GTF3C3: variants seen among roughly 807,000 people sequenced by gnomAD.
GTF3C3 encodes general transcription factor 3C polypeptide 3.
In GTF3C3, 75 loss-of-function variants were observed where a neutral mutation model predicts 105.2. The observed-to-expected ratio is 0.71, with a 90% CI of 0.59 to 0.86. The LOEUF (loss-of-function observed/expected upper bound fraction) is 0.86, where lower values mean the gene tolerates loss of function less well. Ranked by LOEUF, GTF3C3 falls within the 40% of genes least tolerant of loss-of-function variation. GTF3C3 has a pLI of 0.00. For synonymous variants in GTF3C3, 335 were observed against 370.4 expected, an observed-to-expected ratio of 0.90 and a Z score of 1.10; for missense variants, 856 against 1,076.5, an observed-to-expected ratio of 0.80 and a Z score of 2.87.
chr2:196,780,400 T>C (rs1699327034), intron 9 of GTF3C3, 159 bp downstream of exon 9: 7 of 1,282,632 alleles, frequency 5.5e-6, no homozygotes, highest in Non-Finnish European at 7.0e-6. Context: ...ATTTTAGTTT[T>C]TATAAGATAT....
rs1461969031 is a variant in GTF3C3, at chr2:196,786,873, C to T, written c.894-1285G>A. ...CTCCTTGTTACTAAATCTGTCAATTCTCAGTGCTCATTTTACGTGATCTAT... is the reference window on the plus strand; with the variant it reads ...CTCCTTGTTACTAAATCTGTCAATTTTCAGTGCTCATTTTACGTGATCTAT... On this transcript the variant is annotated intron_variant, in intron 6 of 17. Transcript: ENST00000263956. The surrounding 1 kb of genome is among the most constrained non-coding windows in gnomAD (Gnocchi z 4.2). Among the ~76,000 whole-genome samples the T allele has an allele frequency of 6.6e-6, 1 of 152,116 alleles. No homozygotes were observed. Among genetic ancestry groups the T allele is most frequent in the Non-Finnish European group, 1.5e-5 (1 of 68,014 alleles).
chr2:196,790,896 TCA>T (rs1350404764), intron 4 of GTF3C3, among the ~76,000 whole-genome samples: 1 of 151,828 alleles, frequency 6.6e-6, no homozygotes, highest in African/African-American at 2.4e-5. Flanking sequence ...TAAAAAAAAA[TCA>T]CACTGAAGAT....
chr2:196,766,003 C>CT (rs1279876729), intron 17 of GTF3C3, among the ~76,000 whole-genome samples: 1 of 94,088 alleles, frequency 1.1e-5, no homozygotes, highest in African/African-American at 3.7e-5. Context: ...GAGCAAGACT[C>CT]TGTCTCCAAA....
At chr2:196,784,604 A>C (rs922617850) in intron 8 of GTF3C3, among the ~76,000 whole-genome samples, 9 of 152,200 alleles carry the variant, frequency 5.9e-5, no homozygotes, top group Non-Finnish European at 1.3e-4. Context: ...AAAGGAATGA[A>C]AAAGACTGTC....
intron 8 of GTF3C3, among the ~76,000 whole-genome samples, chr2:196,781,357 AATAT>A (rs1553578901): frequency 1.4e-3 from 27 of 18,812 alleles, no homozygotes; most frequent in South Asian, 6.6e-3. Context: ...AAAAAAAAAA[AATAT>A]ATATATATAT....
intron 17 of GTF3C3, among the ~76,000 whole-genome samples, chr2:196,764,954 A>AAAAG (rs2125736355): frequency 6.6e-6 from 1 of 152,338 alleles, no homozygotes; most frequent in African/African-American, 2.4e-5. Flanking sequence ...TTAGAGTTAA[A>AAAAG]AAAGAAACCA....
Position 196,789,275 on chromosome 2 carries a change from A to G in GTF3C3, c.822T>C (p.Tyr274=), listed in dbSNP as rs1699506370. 1 of 1,613,618 alleles carries G rather than the reference A, an allele frequency of 6.2e-7. No homozygotes were observed. Among genetic ancestry groups the G allele is most frequent in the Non-Finnish European group, 8.5e-7 (1 of 1,179,634 alleles). ...GAGACAAAAGGTTTAAAATACGCCT[A>G]TAACCATCCATGGCCATTTTATGAT... The part of the protein sequence containing the change: ...MGDHKMAMDG[Y]RRILNLLSPS... Residue 274 remains tyrosine, a synonymous_variant, in exon 6 of 18, where the codon TAT becomes TAC. Coordinates refer to ENST00000263956, the MANE Select transcript of GTF3C3 (RefSeq NM_012086.5).
In GTF3C3 at chr2:196,784,898, T is replaced by C. The variant is rs1699426970; in HGVS notation, c.1073A>G (p.Glu358Gly). The C allele has an allele frequency of 1.2e-6, 2 of 1,610,036 alleles. No individual in the cohort carries two copies. Among genetic ancestry groups the C allele is most frequent in the Non-Finnish European group, 1.7e-6 (2 of 1,177,314 alleles). The change falls in exon 8 of 18, where the codon GAA becomes GGA. Residue 358 changes from glutamate (E) to glycine (G), a missense_variant. Physicochemically the swap from Glu to Gly is moderately conservative, Grantham distance 98 (BLOSUM62 -2). Around this residue, in one of 3 missense-constraint regions of GTF3C3, gnomAD observed 605 missense variants for 833.6 expected, o/e 0.73. Transcript: ENST00000263956. ...GGTGCCTTCTTCTGAAGTTTTTTTT[T>C]CCAGCACAATTCCAGAAAAATCTGT... ...IITDFSGIVL[E>G]KKTSEEGTSE... is the part of the protein sequence containing the mutation.
rs547998973 is a variant in GTF3C3, at chr2:196,795,375, A to C, written c.215-2223T>G. ...CTCTTACGCATACTCACTTATGTGA[A>C]ATACTTCAAATGAGATAATCAGTGT... On this transcript the variant is annotated intron_variant, in intron 2 of 17. Coordinates refer to ENST00000263956, the MANE Select transcript of GTF3C3 (RefSeq NM_012086.5). Among the ~76,000 whole-genome samples the C allele has an allele frequency of 2.0e-5, 3 of 152,350 alleles. No individual in the cohort carries two copies. In the South Asian group the frequency reaches 6.2e-4, roughly 32 times the overall value.
chr2:196,773,481 CTG>C (rs1699211856), intron 13 of GTF3C3, among the ~76,000 whole-genome samples: 1 of 152,166 alleles, frequency 6.6e-6, no homozygotes, highest in Non-Finnish European at 1.5e-5. Context: ...CTTTCTATGA[CTG>C]TAATCCCATA....
At chr2:196,771,007 A>G (rs188208090) in intron 15 of GTF3C3, among the ~76,000 whole-genome samples, 1 of 152,354 alleles carries the variant, frequency 6.6e-6, no homozygotes, top group Admixed American at 6.5e-5. Flanking sequence ...TTTACTCATA[A>G]GAAGTAAATC....
chr2:196,764,339 T>C lies in GTF3C3; in HGVS notation c.*224A>G, dbSNP rs1699021485. ...TTTCAACATTGGGAACAATTCACTA[T>C]AGAATGTGAAAGGAAAATGACAGAC... is the stretch of plus-strand genomic sequence containing the variant. On this transcript the variant is annotated 3_prime_UTR_variant, in exon 18 of 18. Coordinates refer to ENST00000263956, the MANE Select transcript of GTF3C3 (RefSeq NM_012086.5). 4 of 393,184 alleles carry C rather than the reference T, an allele frequency of 1.0e-5. No homozygotes were observed. Among genetic ancestry groups the C allele is most frequent in the South Asian group, 5.4e-5 (1 of 18,498 alleles). 24.4% of individuals were successfully genotyped at this position (393,184 alleles called of 1,614,324 possible). A position where few individuals can be genotyped will look rare whatever the true frequency, so the allele number is the denominator to read the frequency against.
At chr2:196,791,746 G>A in intron 3 of GTF3C3, 2 of 267,546 alleles carry the variant, frequency 7.5e-6, no homozygotes, top group Non-Finnish European at 1.5e-5. Context: ...GACCAGCCTG[G>A]CCAACAGAGT....
intron 13 of GTF3C3, among the ~76,000 whole-genome samples, chr2:196,774,712 C>T (rs1699231683): frequency 6.6e-6 from 1 of 152,140 alleles, no homozygotes; most frequent in Admixed American, 6.5e-5. Flanking sequence ...GTCACAGCAA[C>T]TTATTTTCAA....
intron 8 of GTF3C3, among the ~76,000 whole-genome samples, chr2:196,781,357 A>ATATATATATATATACAT (rs1553578902): frequency 1.1e-4 from 2 of 18,812 alleles, no homozygotes; most frequent in Non-Finnish European, 3.0e-4. Context: ...AAAAAAAAAA[A>ATATATATATATATACAT]ATATATATAT....
chr2:196,799,346 C>A (rs1699705981), intron 1 of GTF3C3, 164 bp downstream of exon 1: 1 of 607,494 alleles, frequency 1.6e-6, no homozygotes, highest in Non-Finnish European at 2.9e-6. Flanking sequence ...AGGAGCTTAG[C>A]ACAGGGATGA....
chr2:196,780,642 T>G lies in GTF3C3; in HGVS notation c.1135A>C (p.Thr379Pro). ...ENKAPENVTCTIPDGVPIDIT... is the reference protein window; with the variant it reads ...ENKAPENVTCPIPDGVPIDIT... Reference sequence around the variant, plus strand: ...TCTATTGGCACGCCATCAGGTATAGTGCAGGTAACATTCTCAGGAGCTGGA... The same window carrying G: ...TCTATTGGCACGCCATCAGGTATAGGGCAGGTAACATTCTCAGGAGCTGGA... The change falls in exon 9 of 18, where the codon ACT (threonine) becomes CCT (proline). Residue 379 changes from threonine to proline, a missense_variant. Physicochemically the swap from Thr to Pro is conservative, Grantham distance 38. Transcript: ENST00000263956. 6.2e-7 allele frequency: 1 copy of G among 1,612,572 alleles called. No homozygotes were observed.
At chr2:196,793,241 C>A in intron 2 of GTF3C3, 89 bp from the exon 3 acceptor site, 1 of 868,618 alleles carries the variant, frequency 1.2e-6, no homozygotes, top group East Asian at 2.5e-5. Flanking sequence ...AAATTTTTAC[C>A]CCAGTAACAC....
At chr2:196,775,627 T>C (rs1699247676) in intron 12 of GTF3C3, among the ~76,000 whole-genome samples, 1 of 152,202 alleles carries the variant, frequency 6.6e-6, no homozygotes, top group South Asian at 2.1e-4. Context: ...CATTATAACA[T>C]GCATATACAC....
Sources: gnomAD v4.1 joint callset for allele counts (sites outside exome capture counted in the v4.1 genomes callset) on GRCh38, gnomAD v4.1.1 for gene constraint, gnomAD v4.1.1 regional missense constraint, Gnocchi (gnomAD v3.1) non-coding constraint, MANE v1.5 for transcripts, NCBI Gene and HGNC (gene_info 2026-07-23, HGNC 2026-07-21) for gene names.